The following DNAH14 variants were observed in gnomAD, a reference collection of about 807,000 sequenced individuals.
The protein encoded by DNAH14 is axonemal beta dynein heavy chain 14.
In DNAH14, 478 loss-of-function variants were observed where a neutral mutation model predicts 520.9. That is an observed-to-expected ratio of 0.92 (90% confidence interval 0.85 to 0.99). The LOEUF (loss-of-function observed/expected upper bound fraction) is 0.99. DNAH14 is among the 50% of genes least tolerant of loss of function. DNAH14 has a pLI of 0.00. For missense variants in DNAH14, 4,831 were observed against 5,234.5 expected (o/e 0.92, Z 2.38); for synonymous variants, 1,581 against 1,757.2 (o/e 0.90, Z 2.51).
intron 69 of DNAH14, among the ~76,000 whole-genome samples, chr1:225,344,223 C>CTT (rs35070108): frequency 6.6e-4 from 93 of 140,540 alleles, no homozygotes; most frequent in African/African-American, 2.1e-3. Context: ...TAAAACTGGG[C>CTT]TTTTTTTTTT....
At chr1:225,020,230 C>T (rs1384653512) in intron 10 of DNAH14, among the ~76,000 whole-genome samples, 1 of 151,956 alleles carries the variant, frequency 6.6e-6, no homozygotes, top group East Asian at 1.9e-4. Flanking sequence ...GGCAAGGTGG[C>T]TCATGCTTGT....
chr1:225,110,851 T>C (rs2076423879), intron 23 of DNAH14, among the ~76,000 whole-genome samples: 1 of 152,092 alleles, frequency 6.6e-6, no homozygotes, highest in Admixed American at 6.6e-5. Flanking sequence ...TATTTTCCAA[T>C]TTTCTTCTTA....
intron 11 of DNAH14, among the ~76,000 whole-genome samples, chr1:225,035,305 C>T (rs925974308): frequency 4.2e-5 from 6 of 141,834 alleles, no homozygotes; most frequent in African/African-American, 1.5e-4. Context: ...TTTGCTCTCT[C>T]TGTTTTTTTA....
intron 21 of DNAH14, among the ~76,000 whole-genome samples, chr1:225,094,969 T>TA (rs1380417180): frequency 1.3e-5 from 2 of 152,022 alleles, no homozygotes; most frequent in Non-Finnish European, 2.9e-5. Context: ...CACAATAAGA[T>TA]ACCACCTCAC....
rs2063701012 is a variant in DNAH14 at position 225,000,663 on chromosome 1, A to G, written c.831-2120A>G. ...ATGATCTCAGCTCACTGCAGCCTCT[A>G]CCTCCTGAGTTCAAACGATTCACTT... On this transcript the variant is annotated intron_variant, in intron 8 of 85. Transcript: ENST00000682510. 2.0e-5 allele frequency among the ~76,000 whole-genome samples: 3 copies of G among 148,134 alleles called. No individual in the cohort carries two copies. The Admixed American group carries it at 2.0e-4, about 10-fold the overall frequency.
intron 21 of DNAH14, among the ~76,000 whole-genome samples, chr1:225,089,471 C>CAAA (rs2074161169): frequency 8.5e-6 from 1 of 118,056 alleles, no homozygotes; most frequent in African/African-American, 3.5e-5. Flanking sequence ...AAAAAGAGAG[C>CAAA]GAGAGAAAGA....
At chr1:225,040,099 A>G (rs920363840) in intron 12 of DNAH14, among the ~76,000 whole-genome samples, 4 of 150,980 alleles carry the variant, frequency 2.6e-5, no homozygotes, top group African/African-American at 9.7e-5. Context: ...CACCATGCCC[A>G]GCTAATATTT....
chr1:225,167,566 A>G (rs763029605), intron 35 of DNAH14, among the ~76,000 whole-genome samples: 1 of 152,222 alleles, frequency 6.6e-6, no homozygotes, highest in Non-Finnish European at 1.5e-5. Context: ...CTTAATAATG[A>G]TTAGAATTAC....
rs577478864 is a variant in DNAH14, at chr1:225,092,404, A to G, written c.3574-4714A>G. Among the ~76,000 whole-genome samples, 3 of 152,324 alleles carry G rather than the reference A, an allele frequency of 2.0e-5. No individual in the cohort carries two copies. The East Asian group carries it at 5.8e-4, about 29-fold the overall frequency. On this transcript the variant is annotated intron_variant, in intron 21 of 85. Transcript: ENST00000682510. ...TCTCAAAACCATACAATTACATGGA[A>G]ATTGAATAACCTGATCCTGAATGAC...
chr1:225,277,957 T>C (rs1356321837), intron 54 of DNAH14, among the ~76,000 whole-genome samples: 1 of 152,184 alleles, frequency 6.6e-6, no homozygotes, highest in Non-Finnish European at 1.5e-5. Flanking sequence ...GCCAATTACA[T>C]AAAGCATATT....
intron 43 of DNAH14, among the ~76,000 whole-genome samples, chr1:225,247,892 G>A (rs1486891290): frequency 9.2e-5 from 14 of 152,142 alleles, no homozygotes; most frequent in African/African-American, 3.1e-4. Context: ...GGTGGCGGGC[G>A]CCTGTAGTCC....
In DNAH14 at chr1:225,060,040, G is replaced by A. The variant is rs199847188; in HGVS notation, c.2424+8245G>A. Reference sequence around the variant, plus strand: ...TCTTCTCGAGGAGTATCTTTGTGGCGTTCTCTGTATTTGCTGAAGTTGAAT... The same window carrying A: ...TCTTCTCGAGGAGTATCTTTGTGGCATTCTCTGTATTTGCTGAAGTTGAAT... On this transcript the variant is annotated intron_variant, in intron 17 of 85. Transcript: ENST00000682510. 5.0e-3 allele frequency among the ~76,000 whole-genome samples: 751 copies of A among 149,924 alleles called. 4 individuals carry two copies. The highest frequency in any genetic ancestry group is 0.026 in the East Asian group (136 of 5,144).
intron 1 of DNAH14, among the ~76,000 whole-genome samples, chr1:224,932,140 A>G (rs1558431001): frequency 6.6e-6 from 1 of 152,028 alleles, no homozygotes; most frequent in East Asian, 1.9e-4. Context: ...TTGACTTTTT[A>G]TTAATAGCCA....
intron 8 of DNAH14, among the ~76,000 whole-genome samples, chr1:224,983,997 C>T (rs2062451137): frequency 6.6e-6 from 1 of 152,128 alleles, no homozygotes; most frequent in Non-Finnish European, 1.5e-5. Flanking sequence ...AACCCAATCC[C>T]CACCAAAATA....
At position 224,997,434 on chromosome 1, in the gene DNAH14, TTTTGTTTG is replaced by T. The variant is rs200064622; in HGVS notation, c.831-5321_831-5314del. Among the ~76,000 whole-genome samples, 149 of 150,490 alleles carry T rather than the reference TTTTGTTTG, an allele frequency of 9.9e-4. 1 individual carries two copies. Among genetic ancestry groups the T allele is most frequent in the South Asian group, 3.8e-3 (18 of 4,746 alleles). On this transcript the variant is annotated intron_variant, in intron 8 of 85. Coordinates refer to ENST00000682510, the MANE Select transcript of DNAH14 (RefSeq NM_001367479.1). ...TCTTATCCTTCAAAGGCAGGTTTTT[TTTTGTTTG>T]TTTGTTTGTTTGTTTGTTTGTTTGT... is the stretch of plus-strand genomic sequence containing the variant.
At chr1:225,387,226 G>A (rs1274573186) in intron 81 of DNAH14, among the ~76,000 whole-genome samples, 4 of 151,994 alleles carry the variant, frequency 2.6e-5, no homozygotes, top group Admixed American at 2.6e-4. Flanking sequence ...ATCACACACT[G>A]GGGCCTGTCA....
chr1:225,355,590 G>A (rs2095420475), intron 73 of DNAH14, among the ~76,000 whole-genome samples: 1 of 152,036 alleles, frequency 6.6e-6, no homozygotes, highest in Non-Finnish European at 1.5e-5. Context: ...TAAATTTAGA[G>A]GAGACACCAG....
chr1:225,135,697 G>A (rs60782238), intron 27 of DNAH14, among the ~76,000 whole-genome samples: 1 of 151,856 alleles, frequency 6.6e-6, no homozygotes, highest in African/African-American at 2.4e-5. Context: ...GTCAAGTTCA[G>A]GTTCTAAATA....
At chr1:225,335,156 T>TGCATGTGCGCATGTGTACATGTGC (rs1296722828) in intron 66 of DNAH14, among the ~76,000 whole-genome samples, 1 of 147,700 alleles carries the variant, frequency 6.8e-6, no homozygotes. Flanking sequence ...TGTACATGTG[T>TGCATGTGCGCATGTGTACATGTGC]GCATGTGTGC....
Sources: allele counts gnomAD v4.1 joint callset (sites outside exome capture counted in the v4.1 genomes callset), GRCh38; gene constraint gnomAD v4.1.1; transcripts MANE v1.5; gene names NCBI Gene and HGNC (gene_info 2026-07-23, HGNC 2026-07-21).